The following SLCO5A1 variants were observed in gnomAD, a reference collection of about 807,000 sequenced individuals.
The protein encoded by SLCO5A1 is solute carrier organic anion transporter family member 5A1, also known as organic anion transporter polypeptide-related protein 4.
A neutral mutation model predicts 65.1 loss-of-function variants in SLCO5A1; 39 were observed. That is an observed-to-expected ratio of 0.60 (90% CI 0.46 to 0.78). SLCO5A1 has a LOEUF of 0.78. Ranked by LOEUF, SLCO5A1 falls within the 30% of genes least tolerant of loss-of-function variation. SLCO5A1 has a pLI of 0.00. For synonymous variants in SLCO5A1, 438 were observed against 415.7 expected (o/e 1.05, Z -0.65); for missense variants, 1,029 against 1,069.4 (o/e 0.96, Z 0.53).
chr8:69,737,852 AC>A (rs1485446779), intron 5 of SLCO5A1, among the ~76,000 whole-genome samples, 187 bp downstream of exon 5: 1 of 152,230 alleles, frequency 6.6e-6, no homozygotes, highest in Non-Finnish European at 1.5e-5. Flanking sequence ...GAAATGTGTC[AC>A]ATGGTAATAC....
chr8:69,800,901 G>A (rs1024099927), intron 2 of SLCO5A1, among the ~76,000 whole-genome samples: 3 of 152,138 alleles, frequency 2.0e-5, no homozygotes, highest in Admixed American at 6.6e-5. Context: ...GGCCACAATT[G>A]GTCACATGGC....
chr8:69,701,735 A>G (rs1397200461), intron 6 of SLCO5A1, among the ~76,000 whole-genome samples: 3 of 152,220 alleles, frequency 2.0e-5, no homozygotes, highest in Admixed American at 1.3e-4. Context: ...CCTAAAATGT[A>G]TAAAACCAAG....
chr8:69,691,029 A>G (rs1814237361), intron 6 of SLCO5A1, among the ~76,000 whole-genome samples: 1 of 152,200 alleles, frequency 6.6e-6, no homozygotes, highest in African/African-American at 2.4e-5. Flanking sequence ...TTTGAAGAAA[A>G]GGCAGAGTGA....
Position 69,669,415 on chromosome 8 carries a change from A to G in SLCO5A1, c.*3454T>C, listed in dbSNP as rs1813268412. ...CATTGCGTAGTGTAAAAAATGAATA[A>G]TGGAGTGAGAGAAATCTATGTCTGA... On this transcript the variant is annotated 3_prime_UTR_variant, in exon 10 of 10. Coordinates refer to ENST00000260126, the MANE Select transcript of SLCO5A1 (RefSeq NM_030958.3). 6.6e-6 allele frequency: 1 copy of G among 152,330 alleles called. No homozygotes were observed. The highest frequency in any genetic ancestry group is 6.5e-5 in the Admixed American group (1 of 15,298). The allele number at this position is 152,330 out of a possible 1,614,324, so 9.4% of individuals were successfully genotyped here.
intron 6 of SLCO5A1, among the ~76,000 whole-genome samples, chr8:69,703,100 G>A (rs1233230435): frequency 7.2e-6 from 1 of 138,482 alleles, no homozygotes; most frequent in Non-Finnish European, 1.5e-5. Flanking sequence ...GACAGAGAGA[G>A]ACTCTGTTTC....
chr8:69,809,404 C>A (rs1820130866), intron 2 of SLCO5A1, among the ~76,000 whole-genome samples: 1 of 152,020 alleles, frequency 6.6e-6, no homozygotes, highest in African/African-American at 2.4e-5. Context: ...ACAAATATTT[C>A]TTTTTTAACT....
chr8:69,695,700 C>A (rs1251285318), intron 6 of SLCO5A1, among the ~76,000 whole-genome samples: 1 of 151,922 alleles, frequency 6.6e-6, no homozygotes, highest in African/African-American at 2.4e-5. Context: ...ATATGAGAAA[C>A]CCAAGACTCA....
intron 2 of SLCO5A1, among the ~76,000 whole-genome samples, chr8:69,827,525 T>C (rs1433958402): frequency 3.9e-5 from 6 of 152,190 alleles, no homozygotes; most frequent in Non-Finnish European, 7.3e-5. Flanking sequence ...GATTAAGATA[T>C]ACAATTACAT....
intron 5 of SLCO5A1, among the ~76,000 whole-genome samples, chr8:69,716,652 C>T (rs1368541780): frequency 6.6e-6 from 1 of 152,102 alleles, no homozygotes; most frequent in African/African-American, 2.4e-5. Flanking sequence ...AGATACTTTG[C>T]CCATTTTAAT....
At chr8:69,710,957 C>T (rs1815215198) in intron 5 of SLCO5A1, among the ~76,000 whole-genome samples, 1 of 152,084 alleles carries the variant, frequency 6.6e-6, no homozygotes, top group Non-Finnish European at 1.5e-5. Flanking sequence ...GGGAATTATA[C>T]GCGTCTTGGG....
chr8:69,829,733 C>T (rs900134965), intron 2 of SLCO5A1, among the ~76,000 whole-genome samples: 1 of 152,056 alleles, frequency 6.6e-6, no homozygotes, highest in Non-Finnish European at 1.5e-5. Flanking sequence ...TTGAATATGG[C>T]CTGAATATTT....
chr8:69,672,953 G>A lies in SLCO5A1; in HGVS notation c.2463C>T (p.Tyr821=). The A allele has an allele frequency of 1.2e-6, 2 of 1,614,228 alleles. No individual in the cohort carries two copies. The highest frequency in any genetic ancestry group is 1.7e-6 in the Non-Finnish European group (2 of 1,180,044). Residue 821 remains tyrosine, a synonymous_variant, in exon 10 of 10, where the codon TAC becomes TAT. Transcript: ENST00000260126. The part of the protein sequence containing the change: ...QKGIQCAAQT[Y]PGPFPEAISS... The stretch of plus-strand genomic sequence containing the variant: ...TTATTGCTTCTGGGAAGGGCCCCGG[G>A]TAGGTCTGTGCTGCGCACTGGATCC...
intron 2 of SLCO5A1, among the ~76,000 whole-genome samples, 193 bp from the exon 3 acceptor site, chr8:69,762,068 T>A (rs1817802250): frequency 6.6e-6 from 1 of 152,240 alleles, no homozygotes; most frequent in Non-Finnish European, 1.5e-5. Flanking sequence ...CCTATTGTCC[T>A]CTTAGAGCGT....
At chr8:69,710,731 C>T (rs766937948) in intron 5 of SLCO5A1, among the ~76,000 whole-genome samples, 2 of 152,130 alleles carry the variant, frequency 1.3e-5, no homozygotes, top group Non-Finnish European at 2.9e-5. Flanking sequence ...TTTGATTATG[C>T]ATCCTAATTA....
At chr8:69,741,744 T>C (rs1816795153) in intron 4 of SLCO5A1, among the ~76,000 whole-genome samples, 1 of 152,176 alleles carries the variant, frequency 6.6e-6, no homozygotes, top group African/African-American at 2.4e-5. Flanking sequence ...TCAGGAAATA[T>C]CACCAAATCC....
At position 69,668,454 on chromosome 8, in the gene SLCO5A1, T is replaced by C. The variant is rs891254923; in HGVS notation, c.*4415A>G. Reference sequence around the variant, plus strand: ...TCTATCTGCTACTTAGAATACTCAGTATGCACCTACATATCAATAGTTATA... The same window carrying C: ...TCTATCTGCTACTTAGAATACTCAGCATGCACCTACATATCAATAGTTATA... On this transcript the variant is annotated 3_prime_UTR_variant, in exon 10 of 10. Transcript: ENST00000260126. 1 of 152,222 alleles carries C rather than the reference T, an allele frequency of 6.6e-6. No homozygotes were observed. Among genetic ancestry groups the C allele is most frequent in the African/African-American group, 2.4e-5 (1 of 41,458 alleles). The allele number at this position is 152,222 out of a possible 1,614,324, so 9.4% of individuals were successfully genotyped here.
intron 2 of SLCO5A1, among the ~76,000 whole-genome samples, chr8:69,785,634 G>A (rs1819017679): frequency 6.6e-6 from 1 of 152,148 alleles, no homozygotes; most frequent in African/African-American, 2.4e-5. Context: ...AGTAAGAAAT[G>A]TACCCAAGTC....
rs568913018 is a variant in SLCO5A1 at position 69,702,832 on chromosome 8, G to C, written c.1622+2199C>G. On this transcript the variant is annotated intron_variant, in intron 6 of 9. Transcript: ENST00000260126. ...GTGGTTAAGAAGTAAAGGTTGGCTGGGCACAGTGGCTCATGCCTGTAATCC... is the reference window on the plus strand; with the variant it reads ...GTGGTTAAGAAGTAAAGGTTGGCTGCGCACAGTGGCTCATGCCTGTAATCC... Among the ~76,000 whole-genome samples, 106 of 152,274 alleles carry C rather than the reference G, an allele frequency of 7.0e-4. 1 individual carries two copies. Among genetic ancestry groups the C allele is most frequent in the African/African-American group, 2.5e-3 (105 of 41,552 alleles).
At chr8:69,740,557 G>A (rs896637757) in intron 4 of SLCO5A1, among the ~76,000 whole-genome samples, 11 of 152,120 alleles carry the variant, frequency 7.2e-5, no homozygotes, top group African/African-American at 1.9e-4. Context: ...GTCCTTCTCC[G>A]TCTGCTCACA....
Sources: allele counts gnomAD v4.1 joint callset (sites outside exome capture counted in the v4.1 genomes callset), GRCh38; gene constraint gnomAD v4.1.1; transcripts MANE v1.5; gene names NCBI Gene and HGNC (gene_info 2026-07-23, HGNC 2026-07-21).